The following SBF1 variants were observed in gnomAD, a reference collection of about 807,000 sequenced individuals.
The protein encoded by SBF1 is SET binding factor 1.
SBF1 carries 65 observed loss-of-function variants against 215.8 expected under a neutral mutation model. That is an observed-to-expected ratio of 0.30 (90% CI 0.25 to 0.37). The LOEUF is 0.37. SBF1 is among the 10% of genes least tolerant of loss of function. SBF1 has a pLI of 1.00. For missense variants in SBF1, 2,634 were observed against 2,667.8 expected (o/e 0.99, Z 0.28); for synonymous variants, 1,410 against 1,122.8 (o/e 1.26, Z -5.11).
rs757239892 is a variant in SBF1 at position 50,448,315 on chromosome 22, T to C, written c.5281A>G (p.Thr1761Ala). Residue 1761 changes from threonine to alanine, a missense_variant, in exon 38 of 41, where the codon ACC becomes GCC. Coordinates refer to ENST00000380817, the MANE Select transcript of SBF1 (RefSeq NM_002972.4). ...GCAGCCTGACGGGAGCCGGATGTGGTTGAGCCACTACTCTGGTCGCTGTCC... is the reference window on the plus strand; with the variant it reads ...GCAGCCTGACGGGAGCCGGATGTGGCTGAGCCACTACTCTGGTCGCTGTCC... ...SLDSDQSSGS[T>A]TSGSRQAARR... 1.9e-6 allele frequency: 3 copies of C among 1,613,616 alleles called. No homozygotes were observed. The highest frequency in any genetic ancestry group is 2.2e-5 in the South Asian group (2 of 91,068).
intron 26 of SBF1, 53 bp downstream of exon 26, chr22:50,459,899 G>A (rs1294956326): frequency 6.3e-7 from 1 of 1,588,706 alleles, no homozygotes; most frequent in African/African-American, 1.3e-5. Flanking sequence ...AGCGGGCAGG[G>A]AAGACACCCA....
rs148643232 is a variant in SBF1, at chr22:50,474,909, G to A, written c.-69C>T. 0.019 allele frequency: 21,168 copies of A among 1,141,660 alleles called. 2,156 individuals are homozygous for A. The African/African-American group carries it at 0.26, about 14-fold the overall frequency. 70.7% of individuals were successfully genotyped at this position (1,141,660 alleles called of 1,614,324 possible). A position where few individuals can be genotyped will look rare whatever the true frequency, so the allele number is the denominator to read the frequency against. The stretch of plus-strand genomic sequence containing the variant: ...CGGCTCGGGGACTCGAGGACGGCGC[G>A]CTCATGGCCCGGCCCCGGCCCTGGA... On this transcript the variant is annotated 5_prime_UTR_variant, in exon 1 of 41. Coordinates refer to ENST00000380817, the MANE Select transcript of SBF1 (RefSeq NM_002972.4).
Position 50,445,399 on chromosome 22 carries a change from G to C in SBF1, c.*1743C>G, listed in dbSNP as rs1050940611. ...TTGTCCTCAGTGGCTGAGTGGGAGG[G>C]GCAGGTGGAGACCAGACCCCCACCC... is the stretch of plus-strand genomic sequence containing the variant. On this transcript the variant is annotated 3_prime_UTR_variant, in exon 41 of 41. Transcript: ENST00000380817. The C allele has an allele frequency of 1.3e-4, 20 of 152,260 alleles. No homozygotes were observed. Among genetic ancestry groups the C allele is most frequent in the African/African-American group, 4.8e-4 (20 of 41,446 alleles). The allele number at this position is 152,260 out of a possible 1,614,324, so 9.4% of individuals were successfully genotyped here.
In SBF1 at chr22:50,456,594, G is replaced by A. The variant is rs375822676; in HGVS notation, c.3984C>T (p.Asp1328=). 55 of 1,538,856 alleles carry A rather than the reference G, an allele frequency of 3.6e-5. No homozygotes were observed. In the Middle Eastern group the frequency reaches 5.2e-4, roughly 15 times the overall value. Residue 1328 remains aspartate (D), a synonymous_variant, in exon 30 of 41, where the codon GAC becomes GAT. Transcript: ENST00000380817. ...CGTTGGCCTGGGGTGGGGCCAGCGCGTCTCTGCCAGCTAGCCGGGAGCCCA... is the reference window on the plus strand; with the variant it reads ...CGTTGGCCTGGGGTGGGGCCAGCGCATCTCTGCCAGCTAGCCGGGAGCCCA... ...TDVGSRLAGR[D]ALAPPQANGG...
At position 50,474,829 on chromosome 22, in the gene SBF1, G is replaced by A; in HGVS notation, c.12C>T (p.Leu4=). The A allele has an allele frequency of 6.9e-7, 1 of 1,439,158 alleles. No individual in the cohort carries two copies. The highest frequency in any genetic ancestry group is 1.3e-5 in the South Asian group (1 of 76,046). 89.1% of individuals were successfully genotyped at this position (1,439,158 alleles called of 1,614,324 possible). A position where few individuals can be genotyped will look rare whatever the true frequency, so the allele number is the denominator to read the frequency against. ...ACGCCACCAGCACGAAGTAGTCCGC[G>A]AGCCGCGCCATGGCGAGGGACGCGG... The part of the protein sequence containing the change: MAR[L]ADYFVLVAFG... The change falls in exon 1 of 41, where the codon CTC becomes CTT. Residue 4 remains leucine (L), a synonymous_variant. Transcript: ENST00000380817.
intron 36 of SBF1, among the ~76,000 whole-genome samples, chr22:50,451,395 GAAAGA>G (rs1371982789): frequency 6.6e-6 from 1 of 151,928 alleles, no homozygotes; most frequent in African/African-American, 2.4e-5. Flanking sequence ...TTAAAAACAA[GAAAGA>G]AAAGAGTAGT....
At chr22:50,467,251 G>A (rs2067807023) in intron 5 of SBF1, 87 bp downstream of exon 5, 1 of 1,099,636 alleles carries the variant, frequency 9.1e-7, no homozygotes, top group Non-Finnish European at 1.4e-6. Context: ...CCAGCTGTGT[G>A]TGGCTCTGGC....
chr22:50,462,951 C>G lies in SBF1; in HGVS notation c.1900-13G>C, dbSNP rs556122893. ...GAGAAGTGCAGTCCTGCAGGTAGAG[C>G]GAGAGACCGTCAGGACCTCTCCCCT... On this transcript the variant is annotated splice_polypyrimidine_tract_variant and intron_variant, in intron 16 of 40. Transcript: ENST00000380817. The G allele has an allele frequency of 3.1e-6, 5 of 1,608,714 alleles. No homozygotes were observed. In the Admixed American group the frequency reaches 5.1e-5, roughly 16 times the overall value.
chr22:50,473,458 G>A (rs771957380), intron 1 of SBF1, among the ~76,000 whole-genome samples: 12 of 152,172 alleles, frequency 7.9e-5, no homozygotes, highest in African/African-American at 2.4e-5. Context: ...TGTGGTCCTA[G>A]CAAGCGAGAA....
chr22:50,471,613 C>T (rs918785974), intron 1 of SBF1, among the ~76,000 whole-genome samples: 2 of 152,168 alleles, frequency 1.3e-5, no homozygotes, highest in Non-Finnish European at 2.9e-5. Context: ...CCAACCCCAA[C>T]GTGCACATGG....
rs1299562354 is a variant in SBF1 at position 50,461,673 on chromosome 22, G to A, written c.2689C>T (p.Leu897=). 4 of 1,610,294 alleles carry A rather than the reference G, an allele frequency of 2.5e-6. No homozygotes were observed. The highest frequency in any genetic ancestry group is 3.4e-6 in the Non-Finnish European group (4 of 1,179,530). Residue 897 remains leucine (L), a synonymous_variant, in exon 22 of 41, where the codon CTG becomes TTG. Coordinates refer to ENST00000380817, the MANE Select transcript of SBF1 (RefSeq NM_002972.4). ...AGCAGGTAGACGCGCAGGCCGTCCA[G>A]CACACACTCCTCACCCGGCAGCAGG... is the stretch of plus-strand genomic sequence containing the variant. ...PRLLPGEECV[L]DGLRVYLLPD... is the part of the protein sequence containing the mutation.
At chr22:50,465,411 C>T in intron 10 of SBF1, 83 bp from the exon 11 acceptor site, 7 of 1,211,436 alleles carry the variant, frequency 5.8e-6, no homozygotes, top group South Asian at 1.4e-5. Context: ...CACACCCCAA[C>T]CCACCCCAAG....
chr22:50,459,596 G>A lies in SBF1; in HGVS notation c.3562C>T (p.Arg1188Cys). Residue 1188 changes from arginine (R) to cysteine (C), a missense_variant, in exon 27 of 41, where the codon CGC becomes TGC. Transcript: ENST00000380817. ...CAGACCACGGGGAAGCGGTTCTGGC[G>A]GTAGCAGCGGGACACGCGCTGCAGG... ...NALQRVSRCY[R>C]QNRFPVVCWR... The A allele has an allele frequency of 2.5e-6, 4 of 1,610,174 alleles. No homozygotes were observed. The highest frequency in any genetic ancestry group is 2.5e-6 in the Non-Finnish European group (3 of 1,179,050).
intron 36 of SBF1, among the ~76,000 whole-genome samples, chr22:50,449,956 C>A (rs1243715938): frequency 6.6e-6 from 1 of 152,178 alleles, no homozygotes; most frequent in African/African-American, 2.4e-5. Context: ...ATAAGATGGG[C>A]CCCACAGTCA....
chr22:50,452,141 A>T (rs751910283), intron 36 of SBF1, among the ~76,000 whole-genome samples: 6 of 109,660 alleles, frequency 5.5e-5, no homozygotes, highest in Non-Finnish European at 1.1e-4. Flanking sequence ...CTGCTGAATT[A>T]AAAAAAAAAA....
chr22:50,461,638 C>T lies in SBF1; in HGVS notation c.2724G>A (p.Gly908=). 6.2e-7 allele frequency: 1 copy of T among 1,611,364 alleles called. No individual in the cohort carries two copies. Among genetic ancestry groups the T allele is most frequent in the Non-Finnish European group, 8.5e-7 (1 of 1,179,782 alleles). Residue 908 remains glycine, a synonymous_variant, in exon 22 of 41, where the codon GGG becomes GGA. Transcript: ENST00000380817. The part of the protein sequence containing the change: ...DGLRVYLLPD[G]REEGAGGSAG... Reference sequence around the variant, plus strand: ...CACTGCCCCCCGCGCCCTCCTCACGCCCATCCGGCAGCAGGTAGACGCGCA... The same window carrying T: ...CACTGCCCCCCGCGCCCTCCTCACGTCCATCCGGCAGCAGGTAGACGCGCA...
intron 27 of SBF1, 29 bp from the exon 28 acceptor site, chr22:50,459,421 G>T: frequency 6.2e-7 from 1 of 1,611,950 alleles, no homozygotes; most frequent in Non-Finnish European, 8.5e-7. Flanking sequence ...CTGAGGGAGG[G>T]GAGGGTGAGA....
rs781314674 is a variant in SBF1 at position 50,464,433 on chromosome 22, G to A, written c.1645C>T (p.Leu549=). Residue 549 remains leucine, a synonymous_variant, in exon 15 of 41, where the codon CTG becomes TTG. Coordinates refer to ENST00000380817, the MANE Select transcript of SBF1 (RefSeq NM_002972.4). ...VPSGPPMTAI[L]ERCSGLHVNS... Reference sequence around the variant, plus strand: ...ACATGCAGCCCACTGCACCGCTCCAGTATGGCAGCTGCGGGGACAGAATAC... The same window carrying A: ...ACATGCAGCCCACTGCACCGCTCCAATATGGCAGCTGCGGGGACAGAATAC... 4 of 1,613,488 alleles carry A rather than the reference G, an allele frequency of 2.5e-6. No individual in the cohort carries two copies. The highest frequency in any genetic ancestry group is 1.7e-4 in the Middle Eastern group (1 of 6,060).
At position 50,465,851 on chromosome 22, in the gene SBF1, A is replaced by C. The variant is rs1354399222; in HGVS notation, c.1012-11T>G. On this transcript the variant is annotated splice_polypyrimidine_tract_variant and intron_variant, in intron 9 of 40. Coordinates refer to ENST00000380817, the MANE Select transcript of SBF1 (RefSeq NM_002972.4). The stretch of plus-strand genomic sequence containing the variant: ...CTCCGGGTCCAGGACCTGCCAGCAC[A>C]GAATGGAGCAGGCAGCTGCACGCTG... The C allele has an allele frequency of 6.2e-7, 1 of 1,613,100 alleles. No individual in the cohort carries two copies. Among genetic ancestry groups the C allele is most frequent in the Non-Finnish European group, 8.5e-7 (1 of 1,179,658 alleles).
Sources: allele counts gnomAD v4.1 joint callset (sites outside exome capture counted in the v4.1 genomes callset), GRCh38; gene constraint gnomAD v4.1.1; transcripts MANE v1.5; gene names NCBI Gene and HGNC (gene_info 2026-07-23, HGNC 2026-07-21).